The following SHISA7 variants were observed in gnomAD, a reference collection of about 807,000 sequenced individuals.
SHISA7 encodes the protein protein shisa-7.
In SHISA7, 6 loss-of-function variants were observed where a neutral mutation model predicts 23.9. The observed-to-expected ratio is 0.25, with a 90% CI of 0.14 to 0.50. The LOEUF (loss-of-function observed/expected upper bound fraction) is 0.50, where lower values mean the gene tolerates loss of function less well. Ranked by LOEUF, SHISA7 falls within the 20% of genes least tolerant of loss-of-function variation. The probability of loss-of-function intolerance (pLI) is 0.98; values close to 1 mark genes in which losing one functional copy is unlikely to be tolerated. For missense variants in SHISA7, 671 were observed against 801.1 expected (o/e 0.84, Z 1.96); for synonymous variants, 386 against 398.3 (o/e 0.97, Z 0.37).
intron 2 of SHISA7, among the ~76,000 whole-genome samples, chr19:55,439,157 T>C (rs1985536493): frequency 6.6e-6 from 1 of 152,202 alleles, no homozygotes; most frequent in Non-Finnish European, 1.5e-5. Context: ...CTTCAAAACC[T>C]GGACCCACTG....
chr19:55,435,201 TGTG>T (rs1292200947), intron 3 of SHISA7, among the ~76,000 whole-genome samples: 1 of 134,870 alleles, frequency 7.4e-6, no homozygotes, highest in African/African-American at 2.9e-5. Flanking sequence ...TGTATGTGTG[TGTG>T]GTGTGTGTAT....
chr19:55,441,629 CT>C (rs1186854154), intron 1 of SHISA7, among the ~76,000 whole-genome samples: 1 of 152,238 alleles, frequency 6.6e-6, no homozygotes, highest in East Asian at 1.9e-4. Flanking sequence ...ACACTTTCCG[CT>C]GATTTTCTTC....
At chr19:55,437,489 C>T (rs979884430) in intron 3 of SHISA7, 116 bp downstream of exon 3, 8 of 1,310,012 alleles carry the variant, frequency 6.1e-6, no homozygotes, top group Non-Finnish European at 8.1e-6. Flanking sequence ...TGGAGTAAAA[C>T]CTGGGAGAGA....
At chr19:55,441,753 C>T (rs901089867) in intron 1 of SHISA7, among the ~76,000 whole-genome samples, 1 of 152,238 alleles carries the variant, frequency 6.6e-6, no homozygotes. Flanking sequence ...TAATTACAAT[C>T]CGAATAGGTG....
chr19:55,438,426 C>A, intron 2 of SHISA7: 1 of 749,894 alleles, frequency 1.3e-6, no homozygotes, highest in Non-Finnish European at 2.0e-6. Flanking sequence ...CCTGGCCAGA[C>A]CATGAGCGCC....
intron 2 of SHISA7, among the ~76,000 whole-genome samples, chr19:55,439,717 C>T (rs1219389973): frequency 1.3e-5 from 2 of 151,982 alleles, no homozygotes; most frequent in African/African-American, 4.8e-5. Context: ...TCTGACGCCT[C>T]TCCTCCTCCA....
rs1379391158 is a variant in SHISA7, at chr19:55,443,241, G to T, written c.-378C>A. ...GGGTCGACAGACACCAGAGGGGTGTGCAGACATTAGGACGAGGAGCGAGGC... is the reference window on the plus strand; with the variant it reads ...GGGTCGACAGACACCAGAGGGGTGTTCAGACATTAGGACGAGGAGCGAGGC... On this transcript the variant is annotated 5_prime_UTR_variant, in exon 1 of 4. Transcript: ENST00000376325. Among the ~76,000 whole-genome samples, 2 of 151,060 alleles carry T rather than the reference G, an allele frequency of 1.3e-5. No individual in the cohort carries two copies. Among genetic ancestry groups the T allele is most frequent in the Non-Finnish European group, 2.9e-5 (2 of 67,836 alleles).
In SHISA7 at chr19:55,432,917, T is replaced by C. The variant is rs1985244712; in HGVS notation, c.*239A>G. 2.7e-5 allele frequency: 14 copies of C among 518,154 alleles called. No homozygotes were observed. The East Asian group carries it at 5.3e-4, about 20-fold the overall frequency. 32.1% of individuals were successfully genotyped at this position (518,154 alleles called of 1,614,324 possible). ...AGAACACAGACATTTTTGCTAGTGA[T>C]GACCTCATGAGCCGGCCTCTTCCTC... On this transcript the variant is annotated 3_prime_UTR_variant, in exon 4 of 4. Coordinates refer to ENST00000376325, the MANE Select transcript of SHISA7 (RefSeq NM_001145176.2). The surrounding 1 kb of genome is among the most constrained non-coding windows in gnomAD (Gnocchi z 4.6).
At chr19:55,437,469 A>T in intron 3 of SHISA7, 136 bp downstream of exon 3, 1 of 1,185,656 alleles carries the variant, frequency 8.4e-7, no homozygotes, top group Non-Finnish European at 1.1e-6. Flanking sequence ...AGGTAATTCC[A>T]GAACGAACTT....
At position 55,442,057 on chromosome 19, in the gene SHISA7, A is replaced by G. The variant is rs1051405188; in HGVS notation, c.671+136T>C. ...ACTTTCTCAGCCCCTGCCCACCTTC[A>G]GCTACGCCGGCGGCCGCCACCTGGG... is the stretch of plus-strand genomic sequence containing the variant. On this transcript the variant is annotated intron_variant, in intron 1 of 3. Transcript: ENST00000376325. The G allele has an allele frequency of 8.1e-6, 7 of 864,676 alleles. No individual in the cohort carries two copies. In the East Asian group the frequency reaches 1.9e-4, roughly 24 times the overall value. The allele number at this position is 864,676 out of a possible 1,614,324, so 53.6% of individuals were successfully genotyped here. A position where few individuals can be genotyped will look rare whatever the true frequency, so the allele number is the denominator to read the frequency against.
intron 3 of SHISA7, among the ~76,000 whole-genome samples, chr19:55,434,506 ATGTGGTGTGTGTGTGGTTG>A (rs1371272095): frequency 1.2e-4 from 7 of 59,846 alleles, no homozygotes; most frequent in Non-Finnish European, 1.5e-4. Flanking sequence ...TGTGGTGTGT[ATGTGGTGTGTGTGTGGTTG>A]TGTGGTGTGT....
In SHISA7 at chr19:55,434,180, C is replaced by T. The variant is rs1048429163; in HGVS notation, c.977-384G>A. ...TTTTGAAAAATGAAATCAAATAGAA[C>T]AGAAGAGAAAACTATCAGAAAGTGT... is the stretch of plus-strand genomic sequence containing the variant. On this transcript the variant is annotated intron_variant, in intron 3 of 3. Coordinates refer to ENST00000376325, the MANE Select transcript of SHISA7 (RefSeq NM_001145176.2). Among the ~76,000 whole-genome samples, 77 of 152,212 alleles carry T rather than the reference C, an allele frequency of 5.1e-4. 1 individual carries two copies. Among genetic ancestry groups the T allele is most frequent in the African/African-American group, 1.7e-3 (69 of 41,520 alleles).
Position 55,437,483 on chromosome 19 carries a change from G to T in SHISA7, c.976+122C>A, listed in dbSNP as rs1985491952. 5.4e-6 allele frequency: 7 copies of T among 1,287,340 alleles called. 1 individual carries two copies. In the South Asian group the frequency reaches 1.2e-4, roughly 22 times the overall value. The allele number at this position is 1,287,340 out of a possible 1,614,324, so 79.7% of individuals were successfully genotyped here. ...CAGGTAATTCCAGAACGAACTTGGA[G>T]TAAAACCTGGGAGAGAAGCTAAACC... On this transcript the variant is annotated intron_variant, in intron 3 of 3. Coordinates refer to ENST00000376325, the MANE Select transcript of SHISA7 (RefSeq NM_001145176.2).
chr19:55,435,112 TG>T lies in SHISA7; in HGVS notation c.977-1317del, dbSNP rs1985405026. ...GTGGTGTGTGTGTATGGTGTGTGTG[TG>T]GTGTGTGTGGTGTGTGTGGTGTATG... On this transcript the variant is annotated intron_variant, in intron 3 of 3. Coordinates refer to ENST00000376325, the MANE Select transcript of SHISA7 (RefSeq NM_001145176.2). 6.7e-4 allele frequency among the ~76,000 whole-genome samples: 24 copies of T among 35,990 alleles called. 1 individual carries two copies. The East Asian group carries it at 0.051, about 77-fold the overall frequency. 23.6% of individuals were successfully genotyped at this position (35,990 alleles called of 152,430 possible).
At chr19:55,438,600 G>A (rs1985524204) in intron 2 of SHISA7, 2 of 1,304,216 alleles carry the variant, frequency 1.5e-6, no homozygotes, top group Non-Finnish European at 2.0e-6. Context: ...TTGACGTTGA[G>A]GTGCAGGTAG....
intron 3 of SHISA7, among the ~76,000 whole-genome samples, chr19:55,434,817 GTGTA>G (rs1325068561): frequency 2.3e-5 from 2 of 85,948 alleles, no homozygotes; most frequent in Non-Finnish European, 4.5e-5. Context: ...TGTGCATGGT[GTGTA>G]TGTGTGTGTG....
chr19:55,442,612 G>T lies in SHISA7; in HGVS notation c.252C>A (p.Gly84=). ...RAPPPAELCH[G]YYDVMGQYDA... Reference sequence around the variant, plus strand: ...CGTACTGGCCCATGACATCGTAGTAGCCGTGGCAGAGCTCGGCGGGAGGGG... The same window carrying T: ...CGTACTGGCCCATGACATCGTAGTATCCGTGGCAGAGCTCGGCGGGAGGGG... Residue 84 remains glycine, a synonymous_variant, in exon 1 of 4, where the codon GGC becomes GGA. Coordinates refer to ENST00000376325, the MANE Select transcript of SHISA7 (RefSeq NM_001145176.2). The T allele has an allele frequency of 7.0e-7, 1 of 1,420,568 alleles. No individual in the cohort carries two copies. Among genetic ancestry groups the T allele is most frequent in the Non-Finnish European group, 9.3e-7 (1 of 1,074,658 alleles). 88.0% of individuals were successfully genotyped at this position (1,420,568 alleles called of 1,614,324 possible).
In SHISA7 at chr19:55,429,634, C is replaced by T. The variant is rs578261001; in HGVS notation, c.*3522G>A. On this transcript the variant is annotated 3_prime_UTR_variant, in exon 4 of 4. Coordinates refer to ENST00000376325, the MANE Select transcript of SHISA7 (RefSeq NM_001145176.2). ...CAGGGGAGGAAGAAGAGGCCCCCCC[C>T]ACCTCGCCCTAGGGGCTGGGGGAGG... 7 of 152,244 alleles carry T rather than the reference C, an allele frequency of 4.6e-5. No homozygotes were observed. The highest frequency in any genetic ancestry group is 2.1e-4 in the South Asian group (1 of 4,820). The allele number at this position is 152,244 out of a possible 1,614,324, so 9.4% of individuals were successfully genotyped here. A position where few individuals can be genotyped will look rare whatever the true frequency, so the allele number is the denominator to read the frequency against.
At position 55,438,678 on chromosome 19, in the gene SHISA7, T is replaced by C. The variant is rs926649382; in HGVS notation, c.827-924A>G. The C allele has an allele frequency of 1.1e-5, 14 of 1,285,198 alleles. No homozygotes were observed. In the African/African-American group the frequency reaches 1.8e-4, roughly 17 times the overall value. 79.6% of individuals were successfully genotyped at this position (1,285,198 alleles called of 1,614,324 possible). On this transcript the variant is annotated intron_variant, in intron 2 of 3. Coordinates refer to ENST00000376325, the MANE Select transcript of SHISA7 (RefSeq NM_001145176.2). ...GTCACTGCCATCACTGACTCCCAGC[T>C]GGCACCGTGGCCCTGATCTCTGGGA... is the stretch of plus-strand genomic sequence containing the variant.
Sources: allele counts gnomAD v4.1 joint callset (sites outside exome capture counted in the v4.1 genomes callset), GRCh38; gene constraint gnomAD v4.1.1; non-coding constraint Gnocchi (gnomAD v3.1); transcripts MANE v1.5; gene names NCBI Gene and HGNC (gene_info 2026-07-23, HGNC 2026-07-21).